CAMK1D: variants seen among roughly 807,000 people sequenced by gnomAD.
CAMK1D encodes the protein calcium/calmodulin dependent protein kinase ID, also known as calcium/calmodulin-dependent protein kinase type 1D.
In CAMK1D, 9 loss-of-function variants were observed where a neutral mutation model predicts 47.7. The ratio of observed to expected loss-of-function variants is 0.19; its 90% CI spans 0.11 to 0.33. The LOEUF is 0.33. CAMK1D is among the 10% of genes least tolerant of loss of function. The pLI is 1.00. For synonymous variants in CAMK1D, 184 were observed against 184.9 expected (o/e 0.99, Z 0.04); for missense variants, 291 against 488.7 (o/e 0.60, Z 3.81).
At chr10:12,687,578 A>G (rs1323452274) in intron 3 of CAMK1D, among the ~76,000 whole-genome samples, 1 of 152,208 alleles carries the variant, frequency 6.6e-6, no homozygotes, top group East Asian at 1.9e-4. Context: ...TCTTGAAACC[A>G]AAGGCACATG....
chr10:12,748,704 C>T (rs1006774447), intron 3 of CAMK1D, among the ~76,000 whole-genome samples: 1 of 152,104 alleles, frequency 6.6e-6, no homozygotes, highest in African/African-American at 2.4e-5. Flanking sequence ...CAGGGAGAGC[C>T]CCAAAATGTC....
intron 6 of CAMK1D, among the ~76,000 whole-genome samples, chr10:12,808,090 T>C (rs1181675993): frequency 9.2e-5 from 14 of 152,208 alleles, no homozygotes; most frequent in Admixed American, 5.9e-4. Flanking sequence ...CATGCTCTTA[T>C]TCCTGGGCAG....
At chr10:12,533,845 G>A (rs1403077951) in intron 1 of CAMK1D, among the ~76,000 whole-genome samples, 1 of 152,126 alleles carries the variant, frequency 6.6e-6, no homozygotes, top group Non-Finnish European at 1.5e-5. Flanking sequence ...AGAAACCCTA[G>A]GTTCTTTCTG....
chr10:12,773,455 A>G (rs1837133847), intron 5 of CAMK1D, among the ~76,000 whole-genome samples: 1 of 152,242 alleles, frequency 6.6e-6, no homozygotes, highest in African/African-American at 2.4e-5. Context: ...TACCTGATGC[A>G]ATGTAAATGC....
At chr10:12,547,618 A>AGG (rs1490086145) in intron 1 of CAMK1D, among the ~76,000 whole-genome samples, 1 of 145,012 alleles carries the variant, frequency 6.9e-6, no homozygotes, top group Non-Finnish European at 1.5e-5. Context: ...TCCTTGCTTT[A>AGG]GTGTTTCCTG....
intron 3 of CAMK1D, among the ~76,000 whole-genome samples, chr10:12,672,374 G>A (rs1840651503): frequency 6.6e-6 from 1 of 151,436 alleles, no homozygotes; most frequent in Admixed American, 6.6e-5. Context: ...TTTAGCTTTT[G>A]CCTTCTTTTT....
At chr10:12,571,063 C>G (rs1327008462) in intron 2 of CAMK1D, among the ~76,000 whole-genome samples, 1 of 152,148 alleles carries the variant, frequency 6.6e-6, no homozygotes, top group African/African-American at 2.4e-5. Flanking sequence ...CTGATGTGGC[C>G]TCAGTGTTGG....
At chr10:12,360,403 A>T (rs1479457019) in intron 1 of CAMK1D, among the ~76,000 whole-genome samples, 1 of 152,150 alleles carries the variant, frequency 6.6e-6, no homozygotes, top group Non-Finnish European at 1.5e-5. Context: ...GGATGGAGAG[A>T]AGAGAAGCTG....
At chr10:12,417,282 G>A (rs891128587) in intron 1 of CAMK1D, among the ~76,000 whole-genome samples, 4 of 152,072 alleles carry the variant, frequency 2.6e-5, no homozygotes, top group African/African-American at 9.7e-5. Context: ...CTGAGAGAGA[G>A]AGAGAGAGAC....
intron 1 of CAMK1D, among the ~76,000 whole-genome samples, chr10:12,421,299 C>A (rs1840039990): frequency 6.6e-6 from 1 of 152,122 alleles, no homozygotes; most frequent in African/African-American, 2.4e-5. Flanking sequence ...CATCTAGTTT[C>A]TACGGTTAAT....
intron 4 of CAMK1D, 130 bp from the exon 5 acceptor site, chr10:12,769,543 A>C (rs1338310929): frequency 1.1e-6 from 1 of 924,410 alleles, no homozygotes; most frequent in Non-Finnish European, 1.6e-6. Context: ...GCTTTAGTTG[A>C]TGCATCTACT....
At chr10:12,765,797 G>T (rs975262886) in intron 4 of CAMK1D, among the ~76,000 whole-genome samples, 2 of 152,034 alleles carry the variant, frequency 1.3e-5, no homozygotes, top group Admixed American at 6.6e-5. Flanking sequence ...TGAAATGCAG[G>T]GGGGTTTTAT....
rs570466742 is a variant in CAMK1D at position 12,680,647 on chromosome 10, A to G, written c.299+13837A>G. ...GTGGCAGCCCCAATGAATGTATGAA[A>G]TTTGATGTTTCCCACGAGGAAGAAG... On this transcript the variant is annotated intron_variant, in intron 3 of 10. Transcript: ENST00000619168. 2.6e-3 allele frequency among the ~76,000 whole-genome samples: 393 copies of G among 152,206 alleles called. 4 individuals are homozygous for G. Among genetic ancestry groups the G allele is most frequent in the Middle Eastern group, 6.8e-3 (2 of 294 alleles).
At chr10:12,582,154 C>T (rs1837682782) in intron 2 of CAMK1D, among the ~76,000 whole-genome samples, 1 of 152,110 alleles carries the variant, frequency 6.6e-6, no homozygotes, top group Non-Finnish European at 1.5e-5. Context: ...TGTCATTTCC[C>T]CACTTTATGT....
intron 2 of CAMK1D, among the ~76,000 whole-genome samples, chr10:12,663,579 G>T (rs1840341410): frequency 6.6e-6 from 1 of 152,128 alleles, no homozygotes; most frequent in African/African-American, 2.4e-5. Flanking sequence ...TCCAGCCAGT[G>T]CATGAGTACC....
At chr10:12,737,528 C>A (rs1283587665) in intron 3 of CAMK1D, among the ~76,000 whole-genome samples, 1 of 152,140 alleles carries the variant, frequency 6.6e-6, no homozygotes, top group Non-Finnish European at 1.5e-5. Flanking sequence ...GCTGTCCTCT[C>A]AACTTGCAAA....
intron 1 of CAMK1D, among the ~76,000 whole-genome samples, chr10:12,449,192 G>C (rs1833007872): frequency 1.3e-5 from 2 of 152,096 alleles, no homozygotes; most frequent in African/African-American, 4.8e-5. Flanking sequence ...CAGATAAAGA[G>C]GCCAACCTAG....
chr10:12,610,366 G>A (rs1316430126), intron 2 of CAMK1D, among the ~76,000 whole-genome samples: 2 of 152,078 alleles, frequency 1.3e-5, no homozygotes, highest in Non-Finnish European at 1.5e-5. Context: ...GCATCTCAAC[G>A]CCGAGATTTG....
rs188957520 is a variant in CAMK1D, at chr10:12,784,328, G to A, written c.566-6830G>A. Among the ~76,000 whole-genome samples the A allele has an allele frequency of 2.6e-5, 4 of 151,654 alleles. No individual in the cohort carries two copies. The East Asian group carries it at 7.8e-4, about 29-fold the overall frequency. ...TTCTCTTGCCTCAGCCTCCTGAGTAGCTGGAATTACAGGCATCCACCACCG... is the reference window on the plus strand; with the variant it reads ...TTCTCTTGCCTCAGCCTCCTGAGTAACTGGAATTACAGGCATCCACCACCG... On this transcript the variant is annotated intron_variant, in intron 5 of 10. Coordinates refer to ENST00000619168, the MANE Select transcript of CAMK1D (RefSeq NM_153498.4).
Sources: gnomAD v4.1 joint callset for allele counts (sites outside exome capture counted in the v4.1 genomes callset) on GRCh38, gnomAD v4.1.1 for gene constraint, MANE v1.5 for transcripts, NCBI Gene and HGNC (gene_info 2026-07-23, HGNC 2026-07-21) for gene names.